PHACTR1: variants seen among roughly 807,000 people sequenced by gnomAD.
PHACTR1 encodes the protein RPEL repeat containing 1.
Under a neutral mutation model 69.2 loss-of-function variants are expected in PHACTR1, and 16 were observed. That is an observed-to-expected ratio of 0.23 (90% CI 0.16 to 0.35). The LOEUF (loss-of-function observed/expected upper bound fraction) is 0.35. PHACTR1 is among the 10% of genes least tolerant of loss of function. The probability of loss-of-function intolerance (pLI) is 1.00; values close to 1 mark genes in which losing one functional copy is unlikely to be tolerated. For synonymous variants in PHACTR1, 312 were observed against 284.5 expected, an observed-to-expected ratio of 1.10 and a Z score of -0.97; for missense variants, 510 against 734.7, an observed-to-expected ratio of 0.69 and a Z score of 3.54.
intron 3 of PHACTR1, among the ~76,000 whole-genome samples, chr6:12,729,344 T>A (rs1763189431): frequency 6.6e-6 from 1 of 152,216 alleles, no homozygotes; most frequent in Non-Finnish European, 1.5e-5. Context: ...ACTCTACAGT[T>A]TATCATCGAT....
intron 4 of PHACTR1, among the ~76,000 whole-genome samples, chr6:12,750,976 A>ATG (rs5874376): frequency 0.02 from 3,039 of 151,450 alleles, 98 homozygotes; most frequent in African/African-American, 0.067. Context: ...ATCAAACAAA[A>ATG]TGTGTGTGTG....
intron 5 of PHACTR1, among the ~76,000 whole-genome samples, chr6:13,070,186 C>T (rs1380322509): frequency 6.6e-6 from 1 of 152,192 alleles, no homozygotes; most frequent in Non-Finnish European, 1.5e-5. Flanking sequence ...AGTCGAATTA[C>T]AGTTGTGTCC....
In PHACTR1 at chr6:13,245,882, C is replaced by G. The variant is rs973514804; in HGVS notation, c.1391+15689C>G. Among the ~76,000 whole-genome samples, 1 of 152,104 alleles carries G rather than the reference C, an allele frequency of 6.6e-6. No individual in the cohort carries two copies. Among genetic ancestry groups the G allele is most frequent in the African/African-American group, 2.4e-5 (1 of 41,414 alleles). On this transcript the variant is annotated intron_variant, in intron 10 of 14. Transcript: ENST00000332995. The surrounding 1 kb of genome is among the most constrained non-coding windows in gnomAD (Gnocchi z 4.1). ...CCCTGCATATAGCTAGCCAGTTATC[C>G]CAGTTCTTTGGTGAGTTTCTTCACC...
chr6:12,846,505 C>A (rs1235589876), intron 4 of PHACTR1, among the ~76,000 whole-genome samples: 2 of 152,118 alleles, frequency 1.3e-5, no homozygotes, highest in South Asian at 2.1e-4. Context: ...ACTGAGTAGA[C>A]CTTGAGTCTA....
intron 4 of PHACTR1, among the ~76,000 whole-genome samples, chr6:12,829,964 A>AAG (rs149861206): frequency 0.33 from 32,790 of 99,654 alleles, 5,768 homozygotes; most frequent in Middle Eastern, 0.46. Flanking sequence ...TCAAGAAAGA[A>AAG]AGAGAGAGAG....
chr6:13,200,364 C>A (rs529144270), intron 7 of PHACTR1, among the ~76,000 whole-genome samples: 1 of 152,224 alleles, frequency 6.6e-6, no homozygotes, highest in Admixed American at 6.5e-5. Context: ...GCACGTGCCA[C>A]CACGCCCAGC....
At chr6:13,134,752 A>C (rs1821263588) in intron 5 of PHACTR1, among the ~76,000 whole-genome samples, 1 of 148,908 alleles carries the variant, frequency 6.7e-6, no homozygotes, top group Non-Finnish European at 1.5e-5. Flanking sequence ...GACCCTGCCA[A>C]ATCCCCCTCT....
chr6:12,723,933 G>A (rs192503273), intron 3 of PHACTR1, among the ~76,000 whole-genome samples: 176 of 152,286 alleles, frequency 1.2e-3, no homozygotes, highest in African/African-American at 4.2e-3. Flanking sequence ...ATAGTAAAAG[G>A]TTTCAGCATC....
chr6:12,934,697 G>A (rs1485328877), intron 4 of PHACTR1, among the ~76,000 whole-genome samples: 2 of 152,112 alleles, frequency 1.3e-5, no homozygotes, highest in Admixed American at 6.5e-5. Flanking sequence ...TTAGTCGGGT[G>A]TGGTAGCACG....
At chr6:12,959,049 C>A (rs1792284235) in intron 4 of PHACTR1, among the ~76,000 whole-genome samples, 1 of 151,776 alleles carries the variant, frequency 6.6e-6, no homozygotes, top group South Asian at 2.1e-4. Flanking sequence ...TGGTGGCACA[C>A]ACCTGTAGTC....
chr6:12,826,099 A>G (rs1327870622), intron 4 of PHACTR1, among the ~76,000 whole-genome samples: 1 of 152,182 alleles, frequency 6.6e-6, no homozygotes, highest in African/African-American at 2.4e-5. Flanking sequence ...ATTTTTTCCC[A>G]TGGCTAACTC....
intron 4 of PHACTR1, among the ~76,000 whole-genome samples, chr6:12,993,378 A>G (rs1472006297): frequency 1.3e-5 from 2 of 152,222 alleles, no homozygotes; most frequent in Non-Finnish European, 2.9e-5. Context: ...CTCATTCATT[A>G]GTTGAGAGAG....
At chr6:13,276,788 A>T (rs565192045) in intron 11 of PHACTR1, among the ~76,000 whole-genome samples, 18 of 152,206 alleles carry the variant, frequency 1.2e-4, no homozygotes, top group South Asian at 1.0e-3. Flanking sequence ...ATAAAAAATT[A>T]AAAAAATTTA....
At chr6:13,054,150 G>A (rs1395927284) in intron 5 of PHACTR1, among the ~76,000 whole-genome samples, 3 of 152,202 alleles carry the variant, frequency 2.0e-5, no homozygotes, top group African/African-American at 7.2e-5. Context: ...TCTGATACTT[G>A]CTGGTTATAT....
intron 4 of PHACTR1, among the ~76,000 whole-genome samples, chr6:12,918,742 G>T (rs888392892): frequency 2.6e-5 from 4 of 152,116 alleles, no homozygotes; most frequent in Admixed American, 2.6e-4. Flanking sequence ...TAAATCTAAA[G>T]ATAGAATCAA....
intron 4 of PHACTR1, among the ~76,000 whole-genome samples, chr6:12,832,328 G>A (rs199961368): frequency 4.0e-5 from 6 of 151,890 alleles, no homozygotes; most frequent in African/African-American, 1.2e-4. Flanking sequence ...TTCATATACC[G>A]TAAAACTGAG....
intron 4 of PHACTR1, among the ~76,000 whole-genome samples, chr6:12,976,884 G>A (rs905034188): frequency 1.2e-4 from 18 of 152,124 alleles, no homozygotes; most frequent in Non-Finnish European, 2.6e-4. Flanking sequence ...ATCTGTTACT[G>A]TGTATAATTT....
intron 4 of PHACTR1, among the ~76,000 whole-genome samples, chr6:12,858,828 C>A (rs867044598): frequency 4.3e-4 from 64 of 148,258 alleles, no homozygotes; most frequent in African/African-American, 1.4e-3. Context: ...ACACACACAC[C>A]ACACACACAC....
intron 4 of PHACTR1, among the ~76,000 whole-genome samples, chr6:12,923,110 C>G (rs1787895238): frequency 6.6e-6 from 1 of 152,238 alleles, no homozygotes; most frequent in African/African-American, 2.4e-5. Flanking sequence ...AATCTATTGC[C>G]TGTGCAGCTA....
Sources: allele counts gnomAD v4.1 joint callset (sites outside exome capture counted in the v4.1 genomes callset), GRCh38; gene constraint gnomAD v4.1.1; non-coding constraint Gnocchi (gnomAD v3.1); transcripts MANE v1.5; gene names NCBI Gene and HGNC (gene_info 2026-07-23, HGNC 2026-07-21).